Variants in ATP10B observed in about 807,000 individuals in gnomAD.
ATP10B encodes phospholipid-transporting ATPase VB.
Under a neutral mutation model 141.2 loss-of-function variants are expected in ATP10B, and 122 were observed. That is an observed-to-expected ratio of 0.86 (90% CI 0.75 to 1.00). The LOEUF (loss-of-function observed/expected upper bound fraction) is 1.00, where lower values mean the gene tolerates loss of function less well. Among genes scored for constraint, ATP10B ranks in the 50% least tolerant of loss-of-function variants. ATP10B has a pLI of 0.00. For synonymous variants in ATP10B, 685 were observed against 692.0 expected (o/e 0.99, Z 0.16); for missense variants, 1,876 against 1,825.3 (o/e 1.03, Z -0.51).
intron 12 of ATP10B, chr5:160,632,584 A>T: frequency 3.1e-6 from 1 of 323,064 alleles, no homozygotes; most frequent in Non-Finnish European, 5.7e-6. Context: ...TGTGACTTTG[A>T]GCTTTGACAT....
chr5:160,630,196 CTCG>C (rs1758846202), intron 13 of ATP10B, among the ~76,000 whole-genome samples: 1 of 152,214 alleles, frequency 6.6e-6, no homozygotes, highest in Non-Finnish European at 1.5e-5. Context: ...TGGAACTTAA[CTCG>C]TGTCAATTTC....
the ATP10B span, among the ~76,000 whole-genome samples, chr5:160,905,216 G>C: frequency 1.2e-4 from 18 of 152,182 alleles, no homozygotes; most frequent in African/African-American, 4.1e-4. Context: ...ACCAGAGTTT[G>C]TGTTCTTGAC....
chr5:160,761,556 G>T (rs956839176), intron 2 of ATP10B, among the ~76,000 whole-genome samples: 1 of 152,208 alleles, frequency 6.6e-6, no homozygotes, highest in Non-Finnish European at 1.5e-5. Flanking sequence ...TCAAGGGATT[G>T]CCCTGTGGGA....
intron 3 of ATP10B, among the ~76,000 whole-genome samples, chr5:160,699,745 A>G (rs2127759708): frequency 6.6e-6 from 1 of 152,216 alleles, no homozygotes; most frequent in South Asian, 2.1e-4. Context: ...AATTAAGGAG[A>G]AAAGGAAAAG....
chr5:160,701,504 T>C (rs2127761202), intron 3 of ATP10B, among the ~76,000 whole-genome samples: 1 of 152,288 alleles, frequency 6.6e-6, no homozygotes, highest in South Asian at 2.1e-4. Context: ...TTTTAGCCCT[T>C]AGTTCTGGGT....
At chr5:160,867,828 A>C in the ATP10B span, among the ~76,000 whole-genome samples, 1 of 152,164 alleles carries the variant, frequency 6.6e-6, no homozygotes, top group East Asian at 1.9e-4. Context: ...AATATAGGAA[A>C]AAATAAAAGC....
chr5:160,806,830 T>C (rs1772807329), intron 1 of ATP10B, among the ~76,000 whole-genome samples: 1 of 152,226 alleles, frequency 6.6e-6, no homozygotes, highest in Admixed American at 6.5e-5. Flanking sequence ...ATATGTATTC[T>C]TGACCAATAT....
chr5:160,687,813 CAA>C lies in ATP10B; in HGVS notation c.260_261del (p.Phe87Ter). ...GTGGATCTCTACCTATGAAATTGCT[CAA>C]AGAGATTCCGGGGCAGGAAGGTGAA... ...TLFTFLPRNL[F>X]EQFHRWANLY... On this transcript the variant is annotated frameshift_variant, in exon 5 of 26. Coordinates refer to ENST00000327245, the MANE Select transcript of ATP10B (RefSeq NM_025153.3). LOFTEE classifies it high-confidence loss of function. The C allele has an allele frequency of 1.2e-6, 2 of 1,613,618 alleles. No individual in the cohort carries two copies. The highest frequency in any genetic ancestry group is 1.3e-5 in the African/African-American group (1 of 75,014).
chr5:160,891,004 T>TGC, the ATP10B span, among the ~76,000 whole-genome samples: 1 of 66,978 alleles, frequency 1.5e-5, no homozygotes, highest in Non-Finnish European at 3.8e-5. Context: ...TGTGTGTGCG[T>TGC]GTGTGTGTGT....
intron 24 of ATP10B, among the ~76,000 whole-genome samples, chr5:160,572,573 TGAGA>T (rs760375381): frequency 1.0e-3 from 154 of 152,324 alleles, no homozygotes; most frequent in Non-Finnish European, 1.1e-3. Context: ...TTCAGTGCTT[TGAGA>T]AAGAGGACTG....
intron 8 of ATP10B, among the ~76,000 whole-genome samples, chr5:160,644,914 G>A (rs1581253640): frequency 1.3e-5 from 2 of 151,992 alleles, no homozygotes; most frequent in Admixed American, 1.3e-4. Context: ...TCAGGAGTTC[G>A]AGACCAGCCT....
At chr5:160,912,038 C>A in the ATP10B span, among the ~76,000 whole-genome samples, 1 of 151,804 alleles carries the variant, frequency 6.6e-6, no homozygotes, top group African/African-American at 2.4e-5. Flanking sequence ...TACTAAGGAG[C>A]TTGCACTCCA....
At chr5:160,876,605 T>G in the ATP10B span, among the ~76,000 whole-genome samples, 1 of 151,586 alleles carries the variant, frequency 6.6e-6, no homozygotes. Context: ...AAGCTGGTTT[T>G]TTGAAAGGAT....
At chr5:160,787,570 A>G (rs1489133200) in intron 1 of ATP10B, among the ~76,000 whole-genome samples, 1 of 152,194 alleles carries the variant, frequency 6.6e-6, no homozygotes, top group African/African-American at 2.4e-5. Context: ...TCCTTGTTAA[A>G]TCTTCCAAGT....
chr5:160,815,235 G>C (rs893063934), intron 1 of ATP10B, among the ~76,000 whole-genome samples: 6 of 152,104 alleles, frequency 3.9e-5, no homozygotes, highest in African/African-American at 1.4e-4. Context: ...CTGTATTCAG[G>C]AAACCCATCT....
At chr5:160,699,367 C>A (rs1291675535) in intron 3 of ATP10B, among the ~76,000 whole-genome samples, 1 of 152,184 alleles carries the variant, frequency 6.6e-6, no homozygotes, top group Non-Finnish European at 1.5e-5. Flanking sequence ...CTCACAGAAG[C>A]TGGATGAATC....
chr5:160,814,745 G>T (rs1210909464), intron 1 of ATP10B, among the ~76,000 whole-genome samples: 1 of 152,156 alleles, frequency 6.6e-6, no homozygotes, highest in Non-Finnish European at 1.5e-5. Flanking sequence ...GAAAGGTCAG[G>T]TTACCCATAA....
At chr5:160,806,072 C>CTT (rs1307098145) in intron 1 of ATP10B, among the ~76,000 whole-genome samples, 1 of 152,176 alleles carries the variant, frequency 6.6e-6, no homozygotes, top group Non-Finnish European at 1.5e-5. Flanking sequence ...TTTGTGTTCT[C>CTT]TTTTGGTCCT....
At chr5:160,592,165 AC>A (rs1291336797) in intron 22 of ATP10B, among the ~76,000 whole-genome samples, 1 of 152,208 alleles carries the variant, frequency 6.6e-6, no homozygotes, top group African/African-American at 2.4e-5. Context: ...TCTATTTGAT[AC>A]CAGCAAATTC....
Sources: gnomAD v4.1 joint callset for allele counts (sites outside exome capture counted in the v4.1 genomes callset) on GRCh38, gnomAD v4.1.1 for gene constraint, MANE v1.5 for transcripts, NCBI Gene and HGNC (gene_info 2026-07-23, HGNC 2026-07-21) for gene names.